MTF2: variants seen among roughly 807,000 people sequenced by gnomAD.
MTF2 encodes the protein metal-response element-binding transcription factor 2.
In MTF2, 11 loss-of-function variants were observed where a neutral mutation model predicts 79.5. The ratio of observed to expected loss-of-function variants is 0.14; its 90% CI spans 0.09 to 0.23. MTF2 has a LOEUF of 0.23. Ranked by LOEUF, MTF2 falls within the 10% of genes least tolerant of loss-of-function variation. MTF2 has a pLI of 1.00. For missense variants in MTF2, 486 were observed against 711.2 expected, an observed-to-expected ratio of 0.68 and a Z score of 3.60; for synonymous variants, 208 against 232.8, an observed-to-expected ratio of 0.89 and a Z score of 0.97.
chr1:93,138,962 CTG>C lies in MTF2; in HGVS notation c.*1937_*1938del, dbSNP rs1647517629. On this transcript the variant is annotated 3_prime_UTR_variant, in exon 15 of 15. Transcript: ENST00000370298. ...CTTTAGACGTAATTATTGTGAATGT[CTG>C]TTTTATTTTCTCATGGTGGTTCACA... 2 of 152,184 alleles carry C rather than the reference CTG, an allele frequency of 1.3e-5. No individual in the cohort carries two copies. Among genetic ancestry groups the C allele is most frequent in the Non-Finnish European group, 1.5e-5 (1 of 68,026 alleles). The allele number at this position is 152,184 out of a possible 1,614,324, so 9.4% of individuals were successfully genotyped here. A position where few individuals can be genotyped will look rare whatever the true frequency, so the allele number is the denominator to read the frequency against.
intron 9 of MTF2, chr1:93,121,097 A>G: frequency 1.0e-6 from 1 of 979,144 alleles, no homozygotes; most frequent in South Asian, 4.7e-5. Flanking sequence ...ACTTGTAGGA[A>G]TGGTGGGATC....
At chr1:93,083,987 T>C (rs1381533103) in intron 1 of MTF2, among the ~76,000 whole-genome samples, 1 of 152,248 alleles carries the variant, frequency 6.6e-6, no homozygotes, top group Non-Finnish European at 1.5e-5. Context: ...TCCCCCATCC[T>C]GTGCATTATC....
intron 1 of MTF2, among the ~76,000 whole-genome samples, chr1:93,093,032 A>G (rs933344753): frequency 7.2e-5 from 11 of 152,200 alleles, no homozygotes; most frequent in African/African-American, 2.6e-4. Flanking sequence ...AATACAAAAA[A>G]TTAGCCAGGC....
At chr1:93,127,582 C>T (rs921300068) in intron 10 of MTF2, among the ~76,000 whole-genome samples, 7 of 152,020 alleles carry the variant, frequency 4.6e-5, no homozygotes, top group African/African-American at 1.4e-4. Context: ...TAATAACTTC[C>T]TTCTATAATG....
At chr1:93,083,713 T>G (rs1654711315) in intron 1 of MTF2, among the ~76,000 whole-genome samples, 1 of 152,188 alleles carries the variant, frequency 6.6e-6, no homozygotes, top group Non-Finnish European at 1.5e-5. Flanking sequence ...ATCTCACCAG[T>G]TTATCCACAT....
chr1:93,126,546 T>A (rs1656705182), intron 9 of MTF2, among the ~76,000 whole-genome samples: 1 of 152,036 alleles, frequency 6.6e-6, no homozygotes, highest in African/African-American at 2.4e-5. Context: ...TAAGATTTCT[T>A]TGCTAATATG....
intron 7 of MTF2, among the ~76,000 whole-genome samples, chr1:93,118,991 G>A (rs534853550): frequency 2.0e-5 from 3 of 152,320 alleles, no homozygotes; most frequent in Non-Finnish European, 4.4e-5. Context: ...GTTATTTTGA[G>A]CGTTGAATTA....
intron 3 of MTF2, among the ~76,000 whole-genome samples, chr1:93,113,450 G>T (rs1355982965): frequency 6.6e-6 from 1 of 151,920 alleles, no homozygotes; most frequent in Non-Finnish European, 1.5e-5. Flanking sequence ...CAAATAAATA[G>T]CAGAAATACA....
intron 1 of MTF2, among the ~76,000 whole-genome samples, chr1:93,094,849 A>T (rs754693167): frequency 3.9e-5 from 6 of 152,070 alleles, no homozygotes; most frequent in Non-Finnish European, 8.8e-5. Context: ...TTTTTCATTT[A>T]TTGGCTTGAA....
intron 1 of MTF2, among the ~76,000 whole-genome samples, chr1:93,107,255 T>C (rs927149741): frequency 6.6e-6 from 1 of 152,184 alleles, no homozygotes; most frequent in African/African-American, 2.4e-5. Flanking sequence ...GATGTAGTTT[T>C]GCTCTGTTGC....
intron 5 of MTF2, 56 bp from the exon 6 acceptor site, chr1:93,115,414 A>G: frequency 1.6e-6 from 2 of 1,265,080 alleles, no homozygotes; most frequent in Non-Finnish European, 2.2e-6. Context: ...TAAAGTATAG[A>G]ATTGTGTTTA....
At chr1:93,125,202 G>A (rs1656644378) in intron 9 of MTF2, among the ~76,000 whole-genome samples, 1 of 151,692 alleles carries the variant, frequency 6.6e-6, no homozygotes, top group Admixed American at 6.6e-5. Flanking sequence ...TATATGGTTT[G>A]TGAAGATTTA....
chr1:93,136,541 G>T (rs1647405986), intron 14 of MTF2, 129 bp from the exon 15 acceptor site: 3 of 761,332 alleles, frequency 3.9e-6, no homozygotes, highest in Middle Eastern at 5.3e-4. Flanking sequence ...TTATTGTTTG[G>T]GTTTGGCTCA....
chr1:93,101,366 C>A (rs1354168376), intron 1 of MTF2, among the ~76,000 whole-genome samples: 13 of 108,620 alleles, frequency 1.2e-4, no homozygotes, highest in Non-Finnish European at 2.1e-4. Flanking sequence ...CTATCTTAAC[C>A]TTTTTTTTTT....
intron 1 of MTF2, among the ~76,000 whole-genome samples, chr1:93,082,406 G>C (rs560531053): frequency 6.6e-6 from 1 of 151,470 alleles, no homozygotes; most frequent in South Asian, 2.1e-4. Context: ...TTAGCCTGCC[G>C]AGTAGTTAGG....
intron 10 of MTF2, 97 bp downstream of exon 10, chr1:93,127,396 A>C: frequency 2.6e-6 from 2 of 778,042 alleles, no homozygotes; most frequent in Non-Finnish European, 4.4e-6. Context: ...GATGTACAGA[A>C]GAAGTCTATA....
At position 93,127,308 on chromosome 1, in the gene MTF2, A is replaced by T. The variant is rs761087529; in HGVS notation, c.989+9A>T. 6.4e-6 allele frequency: 10 copies of T among 1,562,558 alleles called. No individual in the cohort carries two copies. The African/African-American group carries it at 1.2e-4, about 19-fold the overall frequency. On this transcript the variant is annotated intron_variant, in intron 10 of 14. Coordinates refer to ENST00000370298, the MANE Select transcript of MTF2 (RefSeq NM_007358.4). ...AATGATTACAAGACCATGTAAGTTGATTTATTTTATGTATCCCTATGAGGG... is the reference window on the plus strand; with the variant it reads ...AATGATTACAAGACCATGTAAGTTGTTTTATTTTATGTATCCCTATGAGGG...
At chr1:93,087,583 A>AG (rs1654900826) in intron 1 of MTF2, among the ~76,000 whole-genome samples, 1 of 151,692 alleles carries the variant, frequency 6.6e-6, no homozygotes, top group African/African-American at 2.4e-5. Context: ...AAAAAAAAAA[A>AG]AAGCCTTAAT....
Position 93,129,462 on chromosome 1 carries a change from TG to T in MTF2, c.1160+15del. On this transcript the variant is annotated intron_variant, in intron 11 of 14. Coordinates refer to ENST00000370298, the MANE Select transcript of MTF2 (RefSeq NM_007358.4). ...ATCTGATTCAAGGTAAAAGTTGATCTGTGGCTTAGTTTTTCTCTTTAGCTTA... is the reference window on the plus strand; with the variant it reads ...ATCTGATTCAAGGTAAAAGTTGATCTTGGCTTAGTTTTTCTCTTTAGCTTA... The T allele has an allele frequency of 6.8e-7, 1 of 1,475,856 alleles. No homozygotes were observed. Among genetic ancestry groups the T allele is most frequent in the Non-Finnish European group, 9.1e-7 (1 of 1,100,286 alleles). 91.4% of individuals were successfully genotyped at this position (1,475,856 alleles called of 1,614,324 possible).
Sources: allele counts gnomAD v4.1 joint callset (sites outside exome capture counted in the v4.1 genomes callset), GRCh38; gene constraint gnomAD v4.1.1; transcripts MANE v1.5; gene names NCBI Gene and HGNC (gene_info 2026-07-23, HGNC 2026-07-21).